Variants in CLCA2 observed in about 807,000 individuals in gnomAD.
CLCA2 encodes the protein chloride channel accessory 2.
Under a neutral mutation model 82.9 loss-of-function variants are expected in CLCA2, and 85 were observed. That is an observed-to-expected ratio of 1.03 (90% CI 0.86 to 1.23). CLCA2 has a LOEUF of 1.23. Among genes scored for constraint, CLCA2 ranks in the 50% most tolerant of loss-of-function variants. The pLI is 0.00. For missense variants in CLCA2, 1,089 were observed against 1,124.8 expected (o/e 0.97, Z 0.45); for synonymous variants, 421 against 391.7 (o/e 1.07, Z -0.88).
Position 86,425,431 on chromosome 1 carries a change from G to C in CLCA2, c.279G>C (p.Trp93Cys). ...RNIKILIPATWKANNNSKIKQ... is the reference protein window; with the variant it reads ...RNIKILIPATCKANNNSKIKQ... ...TAAAGATTTTAATACCTGCCACATG[G>C]AAAGCTAATAATAACAGCAAAATAA... The change falls in exon 2 of 14, where the codon TGG becomes TGC. Residue 93 changes from tryptophan (W) to cysteine (C), a missense_variant. Physicochemically the swap from Trp to Cys is radical, Grantham distance 215. Transcript: ENST00000370565. The C allele has an allele frequency of 1.3e-6, 2 of 1,566,242 alleles. No homozygotes were observed. The highest frequency in any genetic ancestry group is 1.7e-6 in the Non-Finnish European group (2 of 1,154,472).
rs1349975807 is a variant in CLCA2, at chr1:86,453,550, G to A, written c.2337G>A (p.Glu779=). Residue 779 remains glutamate (E), a synonymous_variant, in exon 13 of 14, where the codon GAG becomes GAA. Transcript: ENST00000370565. ...ACCTGGAAGCTGTAAAAGTAGAAGA[G>A]GAATTGACCCTATCTTGGACAGCAC... ...IIDLEAVKVE[E]ELTLSWTAPG... 1.2e-6 allele frequency: 2 copies of A among 1,614,124 alleles called. No individual in the cohort carries two copies. Among genetic ancestry groups the A allele is most frequent in the Admixed American group, 3.3e-5 (2 of 60,018 alleles).
At chr1:86,444,096 TA>T in intron 10 of CLCA2, 85 bp downstream of exon 10, 1 of 870,296 alleles carries the variant, frequency 1.1e-6, no homozygotes, top group Admixed American at 2.3e-5. Context: ...ATGCATTGTG[TA>T]AAGAAAATCT....
chr1:86,454,370 T>C (rs186706327), intron 13 of CLCA2, among the ~76,000 whole-genome samples: 1 of 152,368 alleles, frequency 6.6e-6, no homozygotes, highest in Admixed American at 6.5e-5. Flanking sequence ...CATTTGTATA[T>C]CTGGTAGGGT....
Position 86,447,538 on chromosome 1 carries a change from AC to A in CLCA2, c.1747del (p.His583IlefsTer7), listed in dbSNP as rs1382046054. 6.2e-7 allele frequency: 1 copy of A among 1,613,962 alleles called. No individual in the cohort carries two copies. The highest frequency in any genetic ancestry group is 1.1e-5 in the South Asian group (1 of 91,080). On this transcript the variant is annotated frameshift_variant, in exon 11 of 14. Transcript: ENST00000370565. LOFTEE classifies it high-confidence loss of function. ...GCACTGGACTTACACCCTGAACAAT[AC>A]CCATCATTCTCTGCAAGCCCTGAAA... ...PGHWTYTLNNTHHSLQALKVT... is the reference protein window; with the variant it reads ...PGHWTYTLNNXHHSLQALKVT...
intron 6 of CLCA2, among the ~76,000 whole-genome samples, chr1:86,437,757 G>A (rs1285897764): frequency 6.6e-6 from 1 of 152,168 alleles, no homozygotes; most frequent in Non-Finnish European, 1.5e-5. Context: ...AATGGTAAGA[G>A]AGTCCTGGGT....
intron 6 of CLCA2, among the ~76,000 whole-genome samples, chr1:86,435,803 CA>C (rs1662595681): frequency 1.3e-5 from 2 of 152,150 alleles, no homozygotes; most frequent in Non-Finnish European, 2.9e-5. Flanking sequence ...ATGAAATACT[CA>C]AAACTCATCA....
rs926748582 is a variant in CLCA2, at chr1:86,432,475, A to C, written c.691A>C (p.Asn231His). 4 of 1,614,064 alleles carry C rather than the reference A, an allele frequency of 2.5e-6. No homozygotes were observed. The highest frequency in any genetic ancestry group is 3.4e-6 in the Non-Finnish European group (4 of 1,179,984). The change falls in exon 5 of 14, where the codon AAT becomes CAT. Residue 231 changes from asparagine to histidine, a missense_variant. Physicochemically the swap from Asn to His is moderately conservative, Grantham distance 68. Transcript: ENST00000370565. Reference protein sequence around the residue: ...LFKEGCTFIYNSTQNATASIM... With the variant: ...LFKEGCTFIYHSTQNATASIM... ...TAAAGAAGGATGCACCTTTATCTAC[A>C]ATAGCACCCAAAATGCAACTGCATC...
At chr1:86,438,372 A>G (rs977827701) in intron 6 of CLCA2, among the ~76,000 whole-genome samples, 1 of 152,208 alleles carries the variant, frequency 6.6e-6, no homozygotes, top group South Asian at 2.1e-4. Flanking sequence ...TTCTAATTTC[A>G]TAAACAAGAA....
At chr1:86,438,446 G>C (rs548597229) in intron 6 of CLCA2, among the ~76,000 whole-genome samples, 1 of 152,234 alleles carries the variant, frequency 6.6e-6, no homozygotes, top group African/African-American at 2.4e-5. Flanking sequence ...GCAGAGGGTA[G>C]TGCCGGGGCA....
At chr1:86,452,617 T>G (rs994789039) in intron 12 of CLCA2, among the ~76,000 whole-genome samples, 1 of 152,166 alleles carries the variant, frequency 6.6e-6, no homozygotes, top group Non-Finnish European at 1.5e-5. Flanking sequence ...GGTTTGCTGT[T>G]CCCTCTACCT....
chr1:86,448,685 A>G (rs1662904022), intron 11 of CLCA2, among the ~76,000 whole-genome samples: 1 of 152,252 alleles, frequency 6.6e-6, no homozygotes, highest in African/African-American at 2.4e-5. Context: ...GCCCATCAGT[A>G]TCTTGCCATG....
chr1:86,437,854 A>G (rs1023971027), intron 6 of CLCA2, among the ~76,000 whole-genome samples: 13 of 152,042 alleles, frequency 8.6e-5, no homozygotes, highest in African/African-American at 3.1e-4. Flanking sequence ...TTCTATTGTG[A>G]GTGCTTACTC....
chr1:86,435,715 G>A (rs1407755239), intron 6 of CLCA2, among the ~76,000 whole-genome samples: 1 of 152,060 alleles, frequency 6.6e-6, no homozygotes, highest in African/African-American at 2.4e-5. Flanking sequence ...TAGGAAATCT[G>A]CAAACCAGTA....
chr1:86,436,238 C>T (rs148615081), intron 6 of CLCA2, among the ~76,000 whole-genome samples: 1 of 152,322 alleles, frequency 6.6e-6, no homozygotes, highest in Non-Finnish European at 1.5e-5. Context: ...TTCATCCCAA[C>T]TGTGCACTCA....
intron 5 of CLCA2, 57 bp from the exon 6 acceptor site, chr1:86,434,461 A>G: frequency 1.4e-6 from 2 of 1,424,674 alleles, no homozygotes; most frequent in Non-Finnish European, 2.0e-6. Context: ...GAGAATGAGA[A>G]CTATGTTTGC....
rs1289791979 is a variant in CLCA2 at position 86,432,350 on chromosome 1, T to C, written c.585-19T>C. 14 of 1,610,636 alleles carry C rather than the reference T, an allele frequency of 8.7e-6. No individual in the cohort carries two copies. The highest frequency in any genetic ancestry group is 1.2e-5 in the Non-Finnish European group (14 of 1,179,226). On this transcript the variant is annotated intron_variant, in intron 4 of 13. Transcript: ENST00000370565. ...TTTCTAAAATAGACCTAATTCCCAG[T>C]TTCTCTTTCCATTTTTAGGTGTTCA...
At chr1:86,447,464 A>ATT in intron 10 of CLCA2, 44 bp from the exon 11 acceptor site, 2 of 1,561,960 alleles carry the variant, frequency 1.3e-6, no homozygotes, top group Non-Finnish European at 8.7e-7. Context: ...ATTAGGGTTG[A>ATT]TTTTTTTTTC....
At chr1:86,435,087 G>A (rs558173406) in intron 6 of CLCA2, among the ~76,000 whole-genome samples, 1 of 152,266 alleles carries the variant, frequency 6.6e-6, no homozygotes, top group African/African-American at 2.4e-5. Flanking sequence ...AGGACACCAT[G>A]CCTTTTCTAT....
chr1:86,453,303 C>A, intron 12 of CLCA2, 66 bp from the exon 13 acceptor site: 2 of 1,255,528 alleles, frequency 1.6e-6, no homozygotes, highest in Non-Finnish European at 2.3e-6. Context: ...CTCACTGTGT[C>A]AAGAACAAGC....
Sources: gnomAD v4.1 joint callset for allele counts (sites outside exome capture counted in the v4.1 genomes callset) on GRCh38, gnomAD v4.1.1 for gene constraint, MANE v1.5 for transcripts, NCBI Gene and HGNC (gene_info 2026-07-23, HGNC 2026-07-21) for gene names.